DRP2: variants seen among roughly 807,000 people sequenced by gnomAD.
DRP2 encodes the protein dystrophin related protein 2.
In DRP2, 29 loss-of-function variants were observed where a neutral mutation model predicts 78.2. The ratio of observed to expected loss-of-function variants is 0.37; its 90% CI spans 0.28 to 0.51. DRP2 has a LOEUF of 0.51. Ranked by LOEUF, DRP2 falls within the 20% of genes least tolerant of loss-of-function variation. DRP2 has a pLI of 0.94. For synonymous variants in DRP2, 290 were observed against 281.9 expected (o/e 1.03, Z -0.29); for missense variants, 686 against 770.6 (o/e 0.89, Z 1.30).
chrX:101,226,512 C>G (rs1285069329), intron 2 of DRP2, among the ~76,000 whole-genome samples: 1 of 111,623 alleles, frequency 9.0e-6, no homozygotes, highest in Non-Finnish European at 1.9e-5. Flanking sequence ...CTAATATCTC[C>G]CCTGTGTTTT....
At chrX:101,222,010 C>A (rs1921909145) in intron 1 of DRP2, among the ~76,000 whole-genome samples, 3 of 112,013 alleles carry the variant, frequency 2.7e-5, no homozygotes. Flanking sequence ...TATAGAGCCC[C>A]ATCCTGAGAG....
intron 5 of DRP2, 78 bp from the exon 6 acceptor site, chrX:101,238,903 G>A (rs1922605039): frequency 3.6e-6 from 4 of 1,116,106 alleles, no homozygotes; most frequent in African/African-American, 3.6e-5. Context: ...GAAGAAGAAA[G>A]GTTGTCAATT....
intron 2 of DRP2, among the ~76,000 whole-genome samples, chrX:101,226,259 GT>G (rs768798033): frequency 9.0e-6 from 1 of 111,714 alleles, no homozygotes; most frequent in East Asian, 2.8e-4. Context: ...AGACGTTTAA[GT>G]TTTTGCAATT....
chrX:101,227,718 G>A (rs926662637), intron 2 of DRP2, among the ~76,000 whole-genome samples: 3 of 112,117 alleles, frequency 2.7e-5, no homozygotes, highest in Non-Finnish European at 5.6e-5. Context: ...CACAGTCAGG[G>A]GCAAAGTCTA....
intron 3 of DRP2, among the ~76,000 whole-genome samples, chrX:101,233,204 A>G (rs1922368819): frequency 8.9e-6 from 1 of 112,017 alleles, no homozygotes; most frequent in South Asian, 3.7e-4. Context: ...GAAACCAAGA[A>G]GTCTGCAGGG....
chrX:101,253,765 G>A (rs758909514), intron 17 of DRP2, among the ~76,000 whole-genome samples: 12 of 108,736 alleles, frequency 1.1e-4, no homozygotes, highest in African/African-American at 4.0e-4. Flanking sequence ...AGAAACGTGT[G>A]GCCTGGTGGG....
chrX:101,233,793 A>C (rs1336031390), intron 3 of DRP2, among the ~76,000 whole-genome samples: 1 of 111,823 alleles, frequency 8.9e-6, no homozygotes, highest in Admixed American at 9.4e-5. Context: ...GGCTGCCTAC[A>C]TGGAACTGCT....
At chrX:101,245,183 A>C in intron 10 of DRP2, 106 bp downstream of exon 10, 2 of 915,816 alleles carry the variant, frequency 2.2e-6, no homozygotes, top group Non-Finnish European at 3.1e-6. Flanking sequence ...GGATTCCTCC[A>C]TCCAGTTCGG....
chrX:101,223,682 A>C (rs1332429559), intron 1 of DRP2, among the ~76,000 whole-genome samples: 4 of 112,255 alleles, frequency 3.6e-5, no homozygotes. Context: ...TGGCTCTTAG[A>C]GTTTTCTCCC....
intron 17 of DRP2, 84 bp downstream of exon 17, chrX:101,252,800 T>G: frequency 1.3e-6 from 1 of 749,173 alleles, no homozygotes; most frequent in African/African-American, 2.1e-5. Flanking sequence ...ATTGGCTCAT[T>G]GTTTTCTGCT....
chrX:101,260,860 G>A lies in DRP2; in HGVS notation c.*239G>A, dbSNP rs913000481. 1.8e-5 allele frequency: 6 copies of A among 336,100 alleles called. No homozygotes were observed. Among genetic ancestry groups the A allele is most frequent in the African/African-American group, 1.3e-4 (5 of 37,308 alleles). 27.7% of individuals were successfully genotyped at this position (336,100 alleles called of 1,213,427 possible). A position where few individuals can be genotyped will look rare whatever the true frequency, so the allele number is the denominator to read the frequency against. ...AATGTTCCCTTTAATCTTCAAGTTC[G>A]AGATCAGCCCTTTAAGTACCTTTCT... is the stretch of plus-strand genomic sequence containing the variant. On this transcript the variant is annotated 3_prime_UTR_variant, in exon 24 of 24. Transcript: ENST00000395209.
At position 101,252,547 on chromosome X, in the gene DRP2, G is replaced by T. The variant is rs772959436; in HGVS notation, c.1866-58G>T. Reference sequence around the variant, plus strand: ...TATATTTTAATGTTAGGGGAACAGCGGGGAGGTCACTGTGGCACGTTGGAC... The same window carrying T: ...TATATTTTAATGTTAGGGGAACAGCTGGGAGGTCACTGTGGCACGTTGGAC... On this transcript the variant is annotated intron_variant, in intron 16 of 23. Transcript: ENST00000395209. The T allele has an allele frequency of 2.8e-5, 26 of 940,428 alleles. No individual in the cohort carries two copies. In the East Asian group the frequency reaches 7.7e-4, roughly 28 times the overall value. 77.5% of individuals were successfully genotyped at this position (940,428 alleles called of 1,213,427 possible). A position where few individuals can be genotyped will look rare whatever the true frequency, so the allele number is the denominator to read the frequency against.
intron 12 of DRP2, among the ~76,000 whole-genome samples, chrX:101,247,832 G>A (rs1034584799): frequency 8.9e-6 from 1 of 112,432 alleles, no homozygotes; most frequent in South Asian, 3.7e-4. Context: ...GTTTACTCAT[G>A]TCCCATCATC....
At chrX:101,255,965 A>G (rs1274395120) in intron 20 of DRP2, among the ~76,000 whole-genome samples, 153 bp from the exon 21 acceptor site, 4 of 111,703 alleles carry the variant, frequency 3.6e-5, no homozygotes, top group Non-Finnish European at 7.5e-5. Flanking sequence ...GAACACTTTC[A>G]TCCCTCTCAA....
intron 9 of DRP2, 57 bp from the exon 10 acceptor site, chrX:101,244,960 G>T (rs1428964320): frequency 9.3e-7 from 1 of 1,071,443 alleles, no homozygotes; most frequent in Non-Finnish European, 1.3e-6. Context: ...GGAGTAGCTG[G>T]GGGCCTTAAG....
At chrX:101,258,127 T>C (rs1923414863) in intron 21 of DRP2, among the ~76,000 whole-genome samples, 182 bp from the exon 22 acceptor site, 1 of 86,502 alleles carries the variant, frequency 1.2e-5, no homozygotes, top group Admixed American at 1.7e-4. Context: ...ACATATGTGC[T>C]GGAGAGGAAG....
At chrX:101,244,435 T>C (rs1217677825) in intron 9 of DRP2, among the ~76,000 whole-genome samples, 1 of 111,978 alleles carries the variant, frequency 8.9e-6, no homozygotes, top group African/African-American at 3.3e-5. Context: ...CGGAGGACTC[T>C]TGTACCGAGG....
rs758164260 is a variant in DRP2 at position 101,235,664 on chromosome X, C to G, written c.118-196C>G. On this transcript the variant is annotated intron_variant, in intron 3 of 23. Coordinates refer to ENST00000395209, the MANE Select transcript of DRP2 (RefSeq NM_001939.3). Reference sequence around the variant, plus strand: ...AGCAGTTCTATGTAACTGACCTGTACCAAGAGAAGACTTGGCAATGAACAG... The same window carrying G: ...AGCAGTTCTATGTAACTGACCTGTAGCAAGAGAAGACTTGGCAATGAACAG... Among the ~76,000 whole-genome samples, 43 of 112,598 alleles carry G rather than the reference C, an allele frequency of 3.8e-4. No homozygotes were observed. In the South Asian group the frequency reaches 7.0e-3, roughly 18 times the overall value.
intron 4 of DRP2, among the ~76,000 whole-genome samples, chrX:101,236,284 G>C (rs1420108499): frequency 8.9e-6 from 1 of 111,818 alleles, no homozygotes; most frequent in East Asian, 2.8e-4. Context: ...TTTTTTATAA[G>C]GACAAAAAAT....
Sources: allele counts gnomAD v4.1 joint callset (sites outside exome capture counted in the v4.1 genomes callset), GRCh38; gene constraint gnomAD v4.1.1; transcripts MANE v1.5; gene names NCBI Gene and HGNC (gene_info 2026-07-23, HGNC 2026-07-21).